Variants in RTL4 observed in about 807,000 individuals in gnomAD.
The protein encoded by RTL4 is retrotransposon Gag like 4, also known as retrotransposon Gag-like protein 4.
A neutral mutation model predicts 5.3 loss-of-function variants in RTL4; 4 were observed. The observed-to-expected ratio is 0.75, with a 90% CI of 0.37 to 1.72. RTL4 has a LOEUF of 1.72. Ranked by LOEUF, RTL4 falls within the 40% of genes most tolerant of loss-of-function variation. The pLI, the probability that RTL4 is intolerant of heterozygous loss-of-function variation, is 0.04. For missense variants in RTL4, 260 were observed against 227.1 expected (o/e 1.14, Z -0.93); for synonymous variants, 98 against 87.3 (o/e 1.12, Z -0.68).
At chrX:112,212,836 C>T in the RTL4 span, among the ~76,000 whole-genome samples, 4 of 112,071 alleles carry the variant, frequency 3.6e-5, no homozygotes, top group South Asian at 3.7e-4. Context: ...GACTGTCTCT[C>T]GCTACTGAAA....
At chrX:112,318,897 G>C in the RTL4 span, among the ~76,000 whole-genome samples, 1 of 111,805 alleles carries the variant, frequency 8.9e-6, no homozygotes, top group African/African-American at 3.2e-5. Context: ...ATAGAGAACA[G>C]AATGAATTAA....
chrX:112,111,229 C>G, the RTL4 span, among the ~76,000 whole-genome samples: 1 of 109,832 alleles, frequency 9.1e-6, no homozygotes, highest in African/African-American at 3.3e-5. Context: ...CTGTCTCTTC[C>G]TCTCTGTCTC....
the RTL4 span, among the ~76,000 whole-genome samples, chrX:112,250,343 TTTTTG>T: frequency 3.6e-5 from 4 of 111,722 alleles, no homozygotes; most frequent in Non-Finnish European, 5.7e-5. Context: ...GTTTCTTAGT[TTTTTG>T]TTTTGTTTTG....
At chrX:112,324,192 TTTCGTATCTGGC>T in the RTL4 span, among the ~76,000 whole-genome samples, 1 of 112,501 alleles carries the variant, frequency 8.9e-6, no homozygotes, top group Non-Finnish European at 1.9e-5. Context: ...ATATGTGGCC[TTTCGTATCTGGC>T]TTCTTTCACT....
At chrX:112,311,848 A>G in the RTL4 span, among the ~76,000 whole-genome samples, 1 of 110,167 alleles carries the variant, frequency 9.1e-6, no homozygotes, top group African/African-American at 3.3e-5. Flanking sequence ...CTTCTCCTCT[A>G]TTCCCCCTGT....
the RTL4 span, among the ~76,000 whole-genome samples, chrX:112,222,459 T>C: frequency 9.0e-6 from 1 of 111,494 alleles, no homozygotes; most frequent in African/African-American, 3.3e-5. Context: ...GGCTCATGCC[T>C]GTAATCCACA....
At chrX:112,198,649 C>T in the RTL4 span, among the ~76,000 whole-genome samples, 1 of 110,864 alleles carries the variant, frequency 9.0e-6, no homozygotes, top group Non-Finnish European at 1.9e-5. Flanking sequence ...ATCTATTTAC[C>T]CATTCATCTG....
chrX:112,184,617 T>C, the RTL4 span, among the ~76,000 whole-genome samples: 3 of 112,347 alleles, frequency 2.7e-5, no homozygotes, highest in East Asian at 8.4e-4. Context: ...TAGAAGGTCA[T>C]GTGGTTTCCT....
chrX:112,322,310 A>G, the RTL4 span, among the ~76,000 whole-genome samples: 2 of 109,171 alleles, frequency 1.8e-5, no homozygotes, highest in East Asian at 5.6e-4. Flanking sequence ...AGATAAGGAC[A>G]TCATCTTTTC....
chrX:112,248,851 G>A, the RTL4 span, among the ~76,000 whole-genome samples: 1 of 112,197 alleles, frequency 8.9e-6, no homozygotes, highest in Non-Finnish European at 1.9e-5. Flanking sequence ...TTTTAGCTGA[G>A]TAGAATTCAT....
the RTL4 span, among the ~76,000 whole-genome samples, chrX:112,106,833 G>T: frequency 9.0e-6 from 1 of 111,153 alleles, no homozygotes; most frequent in Non-Finnish European, 1.9e-5. Flanking sequence ...TGTCTTTTCT[G>T]GTCTTTTGCC....
the RTL4 span, among the ~76,000 whole-genome samples, chrX:112,224,614 T>C: frequency 9.0e-6 from 1 of 111,291 alleles, no homozygotes; most frequent in East Asian, 2.8e-4. Flanking sequence ...CCTGGGATTA[T>C]AGGCGTGAGG....
the RTL4 span, among the ~76,000 whole-genome samples, chrX:112,350,887 C>G: frequency 3.8e-3 from 417 of 110,647 alleles, no homozygotes; most frequent in African/African-American, 0.012. Flanking sequence ...TCTGATTTTA[C>G]TTATTTCTTG....
At chrX:112,418,228 A>G in the RTL4 span, among the ~76,000 whole-genome samples, 4 of 112,138 alleles carry the variant, frequency 3.6e-5, no homozygotes, top group East Asian at 1.1e-3. Flanking sequence ...AAAACATTGA[A>G]TTATACACGT....
the RTL4 span, among the ~76,000 whole-genome samples, chrX:112,222,362 G>T: frequency 9.0e-6 from 1 of 111,258 alleles, no homozygotes; most frequent in African/African-American, 3.3e-5. Flanking sequence ...TGGAATCAGG[G>T]ATAGGTCCAG....
At chrX:112,242,516 A>G in the RTL4 span, among the ~76,000 whole-genome samples, 1 of 111,637 alleles carries the variant, frequency 9.0e-6, no homozygotes, top group Non-Finnish European at 1.9e-5. Flanking sequence ...TTGGTGTATA[A>G]GAATGCTTGT....
At chrX:112,304,917 G>A in the RTL4 span, among the ~76,000 whole-genome samples, 1 of 108,964 alleles carries the variant, frequency 9.2e-6, no homozygotes, top group African/African-American at 3.3e-5. Context: ...GTTACTAAGA[G>A]ACCCGACCAT....
chrX:112,345,795 C>T, the RTL4 span, among the ~76,000 whole-genome samples: 1 of 111,373 alleles, frequency 9.0e-6, no homozygotes, highest in Non-Finnish European at 1.9e-5. Flanking sequence ...AGCCACAGGC[C>T]CACCATCCCA....
At chrX:112,339,606 C>T in the RTL4 span, among the ~76,000 whole-genome samples, 1 of 112,255 alleles carries the variant, frequency 8.9e-6, no homozygotes, top group Non-Finnish European at 1.9e-5. Context: ...ATGAGTGATT[C>T]TCAAAATATT....
Sources: gnomAD v4.1 joint callset for allele counts (sites outside exome capture counted in the v4.1 genomes callset) on GRCh38, gnomAD v4.1.1 for gene constraint, MANE v1.5 for transcripts, NCBI Gene and HGNC (gene_info 2026-07-23, HGNC 2026-07-21) for gene names.